MAP2: variants seen among roughly 807,000 people sequenced by gnomAD.
MAP2 encodes the protein microtubule-associated protein 2.
MAP2 carries 14 observed loss-of-function variants against 137.6 expected under a neutral mutation model. That is an observed-to-expected ratio of 0.10 (90% CI 0.07 to 0.16). MAP2 has a LOEUF of 0.16. MAP2 is among the 10% of genes least tolerant of loss of function. The probability of loss-of-function intolerance (pLI) is 1.00; values close to 1 mark genes in which losing one functional copy is unlikely to be tolerated. For synonymous variants in MAP2, 786 were observed against 782.3 expected (o/e 1.00, Z -0.08); for missense variants, 2,088 against 2,191.5 (o/e 0.95, Z 0.94).
At chr2:209,479,922 T>G (rs1575781189) in intron 1 of MAP2, among the ~76,000 whole-genome samples, 2 of 152,304 alleles carry the variant, frequency 1.3e-5, no homozygotes, top group Non-Finnish European at 2.9e-5. Context: ...CAAATGGTTT[T>G]GCACAACTGA....
chr2:209,669,058 CTT>C (rs2047604990), intron 5 of MAP2, among the ~76,000 whole-genome samples: 1 of 152,008 alleles, frequency 6.6e-6, no homozygotes, highest in Non-Finnish European at 1.5e-5. Flanking sequence ...TAAAGAGAAT[CTT>C]TGCGGACAAT....
At chr2:209,660,465 C>G (rs2042940155) in intron 5 of MAP2, among the ~76,000 whole-genome samples, 1 of 140,230 alleles carries the variant, frequency 7.1e-6, no homozygotes, top group Non-Finnish European at 1.5e-5. Context: ...GCGATCTCGG[C>G]ACACTGCAAG....
intron 5 of MAP2, among the ~76,000 whole-genome samples, chr2:209,653,752 T>A (rs1419565548): frequency 6.6e-6 from 1 of 152,214 alleles, no homozygotes; most frequent in African/African-American, 2.4e-5. Flanking sequence ...TTTTTTTTAA[T>A]TCTCTTAAAT....
At chr2:209,562,590 G>A (rs1363779644) in intron 2 of MAP2, among the ~76,000 whole-genome samples, 3 of 151,906 alleles carry the variant, frequency 2.0e-5, no homozygotes, top group South Asian at 2.1e-4. Flanking sequence ...CCAGCTACTC[G>A]GGAGGCTGAG....
At chr2:209,563,412 A>AAATGCCCTGTCCTTAGTAAGCACCTT (rs368667160) in intron 2 of MAP2, among the ~76,000 whole-genome samples, 2,937 of 152,188 alleles carry the variant, frequency 0.019, 89 homozygotes, top group African/African-American at 0.067. Flanking sequence ...GATGCTCAAA[A>AAATGCCCTGTCCTTAGTAAGCACCTT]AATGCCCTGT....
intron 1 of MAP2, among the ~76,000 whole-genome samples, chr2:209,476,540 T>G (rs1441096036): frequency 1.3e-5 from 2 of 152,136 alleles, no homozygotes; most frequent in East Asian, 1.9e-4. Flanking sequence ...TGATTAAAAC[T>G]GGGCAGAAAG....
At chr2:209,486,859 A>G (rs1231168467) in intron 1 of MAP2, among the ~76,000 whole-genome samples, 1 of 152,172 alleles carries the variant, frequency 6.6e-6, no homozygotes, top group East Asian at 1.9e-4. Flanking sequence ...AATATAATGG[A>G]ATCTGAGGAA....
intron 5 of MAP2, 73 bp downstream of exon 5, chr2:209,653,505 A>G (rs1397640408): frequency 3.4e-6 from 5 of 1,469,942 alleles, no homozygotes; most frequent in Non-Finnish European, 4.6e-6. Flanking sequence ...AAGTGAATTA[A>G]TATACAGCAC....
intron 13 of MAP2, among the ~76,000 whole-genome samples, chr2:209,712,732 G>A (rs1477304338): frequency 6.6e-6 from 1 of 152,138 alleles, no homozygotes; most frequent in Non-Finnish European, 1.5e-5. Context: ...GATATAGGGA[G>A]TGAGGAGAGG....
chr2:209,695,442 T>A lies in MAP2; in HGVS notation c.3272T>A (p.Phe1091Tyr), dbSNP rs1296295852. ...AAAGCACCGCAGGAGGCAGATGCAT[T>A]TATGGGTGTTGAGTCTGGCCACATG... ...SSKAPQEADA[F>Y]MGVESGHMKE... Residue 1091 changes from phenylalanine (F) to tyrosine (Y), a missense_variant, in exon 8 of 16, where the codon TTT (phenylalanine) becomes TAT (tyrosine). By Grantham distance (22) the Phe-to-Tyr change is conservative. Around this residue, in one of 6 missense-constraint regions of MAP2, gnomAD observed 500 missense variants for 482.9 expected, o/e 1.04. Transcript: ENST00000682079. 6.2e-7 allele frequency: 1 copy of A among 1,613,702 alleles called. No individual in the cohort carries two copies. Among genetic ancestry groups the A allele is most frequent in the East Asian group, 2.2e-5 (1 of 44,866 alleles).
chr2:209,700,601 T>C (rs1009281367), intron 11 of MAP2, among the ~76,000 whole-genome samples: 1 of 152,142 alleles, frequency 6.6e-6, no homozygotes, highest in Non-Finnish European at 1.5e-5. Flanking sequence ...CACAATGATA[T>C]GGCAAAAGTA....
chr2:209,695,472 A>C lies in MAP2; in HGVS notation c.3302A>C (p.Glu1101Ala), dbSNP rs566680319. 1.2e-6 allele frequency: 2 copies of C among 1,614,114 alleles called. No individual in the cohort carries two copies. The highest frequency in any genetic ancestry group is 2.7e-5 in the African/African-American group (2 of 75,046). ...FMGVESGHMK[E>A]GTKVSETEVK... ...GGTGTTGAGTCTGGCCACATGAAAG[A>C]AGGCACTAAAGTTAGTGAGACAGAA... Residue 1101 changes from glutamate to alanine, a missense_variant, in exon 8 of 16, where the codon GAA (glutamate) becomes GCA (alanine). This residue lies in a region of MAP2 where 500 missense variants were observed against 482.9 expected (regional missense o/e 1.04). Coordinates refer to ENST00000682079, the MANE Select transcript of MAP2 (RefSeq NM_001375505.1).
rs1260366909 is a variant in MAP2, at chr2:209,618,020, C to T, written c.-106-7033C>T. On this transcript the variant is annotated intron_variant, in intron 3 of 15. Transcript: ENST00000682079. ...AAAGGTCAGGGACATGAATTTCTTA[C>T]AATTTCATGAAGCCTTAATTAACTA... Among the ~76,000 whole-genome samples the T allele has an allele frequency of 2.6e-5, 4 of 152,034 alleles. No homozygotes were observed. In the South Asian group the frequency reaches 6.2e-4, roughly 24 times the overall value.
Position 209,565,228 on chromosome 2 carries a change from A to AT in MAP2, c.-171-14801dup, listed in dbSNP as rs1291262932. Among the ~76,000 whole-genome samples, 7 of 151,990 alleles carry AT rather than the reference A, an allele frequency of 4.6e-5. No homozygotes were observed. The South Asian group carries it at 8.3e-4, about 18-fold the overall frequency. ...CAATGGAAAATTTCTTTTTGTTTTT[A>AT]TTTTTTTGAGACAGGAACTTGCTCT... On this transcript the variant is annotated intron_variant, in intron 2 of 15. Transcript: ENST00000682079.
chr2:209,513,661 A>C (rs1443747390), intron 2 of MAP2, among the ~76,000 whole-genome samples: 1 of 151,868 alleles, frequency 6.6e-6, no homozygotes, highest in African/African-American at 2.4e-5. Flanking sequence ...CCACAGATCC[A>C]ATACTTGTTC....
intron 2 of MAP2, among the ~76,000 whole-genome samples, chr2:209,517,251 T>G (rs1431538623): frequency 6.6e-6 from 1 of 152,120 alleles, no homozygotes; most frequent in Non-Finnish European, 1.5e-5. Context: ...TTCTTTTTGG[T>G]GATCACTGAA....
Position 209,692,177 on chromosome 2 carries a change from A to ATAAATCAAT in MAP2, c.455-446_455-438dup, listed in dbSNP as rs1583582834. 2.6e-5 allele frequency among the ~76,000 whole-genome samples: 4 copies of ATAAATCAAT among 152,248 alleles called. No homozygotes were observed. In the South Asian group the frequency reaches 8.3e-4, roughly 32 times the overall value. ...GATAAAACCAATGAAAATGTTCAGT[A>ATAAATCAAT]TAAATCAATTCTTTATCTATATTTA... On this transcript the variant is annotated intron_variant, in intron 7 of 15. Transcript: ENST00000682079.
chr2:209,645,675 C>T (rs1418065111), intron 4 of MAP2, among the ~76,000 whole-genome samples: 1 of 152,042 alleles, frequency 6.6e-6, no homozygotes, highest in Non-Finnish European at 1.5e-5. Context: ...TATGCTCAAA[C>T]TAAAATGTTA....
intron 7 of MAP2, among the ~76,000 whole-genome samples, chr2:209,689,909 T>A (rs2058342041): frequency 6.6e-6 from 1 of 152,182 alleles, no homozygotes; most frequent in African/African-American, 2.4e-5. Context: ...TTGAAAATGT[T>A]CATTTTCTCC....
Sources: allele counts gnomAD v4.1 joint callset (sites outside exome capture counted in the v4.1 genomes callset), GRCh38; gene constraint gnomAD v4.1.1; regional missense constraint gnomAD v4.1.1; transcripts MANE v1.5; gene names NCBI Gene and HGNC (gene_info 2026-07-23, HGNC 2026-07-21).